Variants in TGM3 observed in about 807,000 individuals in gnomAD.
The protein encoded by TGM3 is protein-glutamine gamma-glutamyltransferase E.
Under a neutral mutation model 73.8 loss-of-function variants are expected in TGM3, and 52 were observed. The observed-to-expected ratio is 0.70, with a 90% CI of 0.56 to 0.89. TGM3 has a LOEUF of 0.89. Among genes scored for constraint, TGM3 ranks in the 40% least tolerant of loss-of-function variants. The pLI, the probability that TGM3 is intolerant of heterozygous loss-of-function variation, is 0.00. For missense variants in TGM3, 928 were observed against 909.9 expected (o/e 1.02, Z -0.26); for synonymous variants, 372 against 354.9 (o/e 1.05, Z -0.54).
intron 5 of TGM3, 143 bp from the exon 6 acceptor site, chr20:2,316,925 C>G (rs1014812237): frequency 9.4e-6 from 9 of 960,678 alleles, no homozygotes; most frequent in Non-Finnish European, 1.4e-5. Context: ...ATCCCCAAGT[C>G]ACCTAGAAAG....
intron 1 of TGM3, among the ~76,000 whole-genome samples, chr20:2,305,789 G>C (rs1017737993): frequency 1.3e-5 from 2 of 152,170 alleles, no homozygotes; most frequent in Non-Finnish European, 2.9e-5. Flanking sequence ...CAACGACCAA[G>C]GCACCTGGTT....
chr20:2,340,015 C>CTGGTGG, intron 12 of TGM3, 28 bp downstream of exon 12: 1 of 469,808 alleles, frequency 2.1e-6, no homozygotes, highest in Non-Finnish European at 3.6e-6. Context: ...GTGGCCGGTG[C>CTGGTGG]AGGAGGGCGG....
intron 11 of TGM3, among the ~76,000 whole-genome samples, chr20:2,337,762 A>G (rs1269320347): frequency 6.6e-6 from 1 of 152,078 alleles, no homozygotes; most frequent in East Asian, 1.9e-4. Context: ...ATTCCCCATT[A>G]TGTTCCCTTA....
rs549221265 is a variant in TGM3 at position 2,339,674 on chromosome 20, T to C, written c.1801-180T>C. On this transcript the variant is annotated intron_variant, in intron 11 of 12. Transcript: ENST00000381458. Reference sequence around the variant, plus strand: ...TAATGTCCTGGGACCATCCTGTGTATTGGGGGGCAGGGGGCGTCAGACACA... The same window carrying C: ...TAATGTCCTGGGACCATCCTGTGTACTGGGGGGCAGGGGGCGTCAGACACA... Among the ~76,000 whole-genome samples, 105 of 152,150 alleles carry C rather than the reference T, an allele frequency of 6.9e-4. 1 individual carries two copies. Among genetic ancestry groups the C allele is most frequent in the Admixed American group, 1.6e-3 (25 of 15,298 alleles).
chr20:2,332,730 T>A lies in TGM3; in HGVS notation c.1642+420T>A, dbSNP rs931948940. Among the ~76,000 whole-genome samples the A allele has an allele frequency of 3.3e-5, 5 of 152,250 alleles. No homozygotes were observed. Among genetic ancestry groups the A allele is most frequent in the African/African-American group, 4.8e-5 (2 of 41,460 alleles). On this transcript the variant is annotated intron_variant, in intron 10 of 12. Transcript: ENST00000381458. This position sits in a 1 kb window ranked among gnomAD's most constrained non-coding sequence, Gnocchi z 4.4. ...AAAGTATCATAGATAGTAGTGGTAGTGCTGAGTCTTGGTCCTAGGTTTCCT... is the reference window on the plus strand; with the variant it reads ...AAAGTATCATAGATAGTAGTGGTAGAGCTGAGTCTTGGTCCTAGGTTTCCT...
chr20:2,321,916 C>T (rs2084264840), intron 7 of TGM3, among the ~76,000 whole-genome samples: 1 of 152,188 alleles, frequency 6.6e-6, no homozygotes, highest in African/African-American at 2.4e-5. Context: ...TCCTGCCTTG[C>T]AAGCAAGTAT....
At position 2,334,917 on chromosome 20, in the gene TGM3, C is replaced by T. The variant is rs1362289346; in HGVS notation, c.1643-199C>T. ...TGCCCAGCCAGAGAGAGTCCTGGGG[C>T]CTCTTTGCCCCCTGCTCTGGAGCCC... On this transcript the variant is annotated intron_variant, in intron 10 of 12. Transcript: ENST00000381458. The surrounding 1 kb of genome is among the most constrained non-coding windows in gnomAD (Gnocchi z 4.0). Among the ~76,000 whole-genome samples, 6 of 152,214 alleles carry T rather than the reference C, an allele frequency of 3.9e-5. No homozygotes were observed. The highest frequency in any genetic ancestry group is 8.8e-5 in the Non-Finnish European group (6 of 68,026).
rs371875783 is a variant in TGM3, at chr20:2,316,722, G to T, written c.670-346G>T. 1.1e-3 allele frequency among the ~76,000 whole-genome samples: 169 copies of T among 152,242 alleles called. 5 individuals are homozygous for T. In the South Asian group the frequency reaches 0.034, roughly 30 times the overall value. Reference sequence around the variant, plus strand: ...AGTGATAGCCTGTGGATTCTTACCTGCCAGAAGTCCTCTGCAAGCTGGAGT... The same window carrying T: ...AGTGATAGCCTGTGGATTCTTACCTTCCAGAAGTCCTCTGCAAGCTGGAGT... On this transcript the variant is annotated intron_variant, in intron 5 of 12. Transcript: ENST00000381458.
intron 7 of TGM3, among the ~76,000 whole-genome samples, chr20:2,319,555 C>T (rs1220284461): frequency 6.6e-6 from 1 of 152,150 alleles, no homozygotes; most frequent in Admixed American, 6.6e-5. Flanking sequence ...TTCACACTGC[C>T]CCCCACATCA....
chr20:2,340,667 C>G lies in TGM3; in HGVS notation c.*86C>G. The stretch of plus-strand genomic sequence containing the variant: ...GAATGAACCCCCCGCCCATGCTGTC[C>G]GGCCTGGGAAACCCTCTCCATCTCC... On this transcript the variant is annotated 3_prime_UTR_variant, in exon 13 of 13. Transcript: ENST00000381458. The G allele has an allele frequency of 6.4e-7, 1 of 1,563,722 alleles. No homozygotes were observed. Among genetic ancestry groups the G allele is most frequent in the Non-Finnish European group, 8.7e-7 (1 of 1,146,010 alleles).
At chr20:2,340,361 A>T in intron 12 of TGM3, 73 bp from the exon 13 acceptor site, 2 of 1,585,086 alleles carry the variant, frequency 1.3e-6, no homozygotes, top group Non-Finnish European at 1.7e-6. Context: ...ACAGGACAGG[A>T]GGTCACAGGA....
chr20:2,325,085 G>A (rs930177797), intron 7 of TGM3, among the ~76,000 whole-genome samples: 4 of 152,132 alleles, frequency 2.6e-5, no homozygotes, highest in Non-Finnish European at 4.4e-5. Flanking sequence ...CATGAGTATA[G>A]AAATATTTTT....
At chr20:2,317,595 A>G in intron 7 of TGM3, 110 bp downstream of exon 7, 2 of 1,443,158 alleles carry the variant, frequency 1.4e-6, no homozygotes, top group South Asian at 2.5e-5. Flanking sequence ...GGCAAGTAAC[A>G]TGTCATCACA....
chr20:2,339,114 G>A (rs1032013499), intron 11 of TGM3, among the ~76,000 whole-genome samples: 4 of 152,230 alleles, frequency 2.6e-5, no homozygotes, highest in Admixed American at 2.6e-4. Context: ...AGTTTAGAAG[G>A]ACATTGGTAG....
At chr20:2,321,687 T>C (rs1476109113) in intron 7 of TGM3, among the ~76,000 whole-genome samples, 1 of 152,190 alleles carries the variant, frequency 6.6e-6, no homozygotes, top group Admixed American at 6.5e-5. Flanking sequence ...TGTCCTCTCC[T>C]GAGCTTATGC....
intron 1 of TGM3, among the ~76,000 whole-genome samples, chr20:2,309,161 G>A (rs2084189744): frequency 6.6e-6 from 1 of 152,354 alleles, no homozygotes; most frequent in South Asian, 2.1e-4. Flanking sequence ...TTACTGGCGT[G>A]AGCCACCACA....
chr20:2,296,170 G>C, intron 1 of TGM3, 100 bp downstream of exon 1: 2 of 1,435,806 alleles, frequency 1.4e-6, no homozygotes, highest in South Asian at 2.5e-5. Context: ...ACAGCTGCCT[G>C]CCTTGGGGGC....
Position 2,310,356 on chromosome 20 carries a change from G to A in TGM3, c.360G>A (p.Gln120=), listed in dbSNP as rs865930385. 1 of 1,614,230 alleles carries A rather than the reference G, an allele frequency of 6.2e-7. No homozygotes were observed. The highest frequency in any genetic ancestry group is 1.1e-5 in the South Asian group (1 of 91,086). The change falls in exon 3 of 13, where the codon CAG becomes CAA. Residue 120 remains glutamine (Q), a synonymous_variant. Coordinates refer to ENST00000381458, the MANE Select transcript of TGM3 (RefSeq NM_003245.4). ...CAATGGCCCTCCAGATCTTCTCCCAGGGCGGCATCTCCTCTGTGAAACTTG... is the reference window on the plus strand; with the variant it reads ...CAATGGCCCTCCAGATCTTCTCCCAAGGCGGCATCTCCTCTGTGAAACTTG... The part of the protein sequence containing the change: ...RYTMALQIFS[Q]GGISSVKLGT...
chr20:2,311,264 C>A, intron 4 of TGM3, 135 bp downstream of exon 4: 1 of 708,996 alleles, frequency 1.4e-6, no homozygotes, highest in Non-Finnish European at 2.5e-6. Context: ...ATTCAGAAGA[C>A]TTTCATTGGC....
Sources: gnomAD v4.1 joint callset for allele counts (sites outside exome capture counted in the v4.1 genomes callset) on GRCh38, gnomAD v4.1.1 for gene constraint, Gnocchi (gnomAD v3.1) non-coding constraint, MANE v1.5 for transcripts, NCBI Gene and HGNC (gene_info 2026-07-23, HGNC 2026-07-21) for gene names.